Variants in TNNC2 observed in about 807,000 individuals in gnomAD.
TNNC2 encodes the protein troponin C, skeletal muscle.
Under a neutral mutation model 20.0 loss-of-function variants are expected in TNNC2, and 14 were observed. That is an observed-to-expected ratio of 0.70 (90% CI 0.46 to 1.09). TNNC2 has a LOEUF of 1.09. TNNC2 is among the 50% of genes least tolerant of loss of function. The pLI is 0.00. For missense variants in TNNC2, 163 were observed against 223.8 expected, an observed-to-expected ratio of 0.73 and a Z score of 1.73; for synonymous variants, 81 against 77.3, an observed-to-expected ratio of 1.05 and a Z score of -0.25.
At position 45,823,858 on chromosome 20, in the gene TNNC2, A is replaced by G; in HGVS notation, c.451+133T>C. On this transcript the variant is annotated intron_variant, in intron 5 of 5. Coordinates refer to ENST00000372555, the MANE Select transcript of TNNC2 (RefSeq NM_003279.3). The surrounding 1 kb of genome is among the most constrained non-coding windows in gnomAD (Gnocchi z 4.6). ...GCGCTTCTATACCTGCCCCCAGGAG[A>G]CTATGGGGAACTTGGTGAAGTTACG... The G allele has an allele frequency of 7.0e-7, 1 of 1,419,136 alleles. No homozygotes were observed. Among genetic ancestry groups the G allele is most frequent in the South Asian group, 1.3e-5 (1 of 77,102 alleles). The allele number at this position is 1,419,136 out of a possible 1,614,324, so 87.9% of individuals were successfully genotyped here. A position where few individuals can be genotyped will look rare whatever the true frequency, so the allele number is the denominator to read the frequency against.
chr20:45,829,290 G>A (rs1451534149), upstream of TNNC2, among the ~76,000 whole-genome samples: 3 of 148,964 alleles, frequency 2.0e-5, no homozygotes, highest in African/African-American at 4.9e-5. Flanking sequence ...TCAGCCTCCC[G>A]AGTAGCCGGA....
In TNNC2 at chr20:45,823,257, A is replaced by T. The variant is rs1982853523; in HGVS notation, c.*91T>A. 3 of 1,276,912 alleles carry T rather than the reference A, an allele frequency of 2.3e-6. No homozygotes were observed. The highest frequency in any genetic ancestry group is 2.8e-5 in the Admixed American group (1 of 36,000). 79.1% of individuals were successfully genotyped at this position (1,276,912 alleles called of 1,614,324 possible). A position where few individuals can be genotyped will look rare whatever the true frequency, so the allele number is the denominator to read the frequency against. On this transcript the variant is annotated 3_prime_UTR_variant, in exon 6 of 6. Coordinates refer to ENST00000372555, the MANE Select transcript of TNNC2 (RefSeq NM_003279.3). The surrounding 1 kb of genome is among the most constrained non-coding windows in gnomAD (Gnocchi z 4.6). Reference sequence around the variant, plus strand: ...TATTCCTTCCAGACAAAGACCCACAAGGGGTCGCGCCTCCCTGGTGGGGAC... The same window carrying T: ...TATTCCTTCCAGACAAAGACCCACATGGGGTCGCGCCTCCCTGGTGGGGAC...
At chr20:45,831,633 A>T (rs1983109455), upstream of TNNC2, among the ~76,000 whole-genome samples, 1 of 151,686 alleles carries the variant, frequency 6.6e-6, no homozygotes, top group Admixed American at 6.6e-5. Flanking sequence ...AAAAATAAAT[A>T]AAAAAGGAAG....
chr20:45,824,249 T>C (rs1221951853), intron 4 of TNNC2, 43 bp downstream of exon 4: 2 of 1,605,384 alleles, frequency 1.2e-6, no homozygotes, highest in South Asian at 2.2e-5. Flanking sequence ...GGCCGGGTTC[T>C]GACTGCTAAG....
upstream of TNNC2, among the ~76,000 whole-genome samples, chr20:45,829,407 G>A (rs1185442981): frequency 2.0e-5 from 3 of 151,746 alleles, no homozygotes; most frequent in Non-Finnish European, 4.4e-5. Context: ...CAGGTGATCC[G>A]CCCACCTCAG....
chr20:45,831,520 G>A (rs973990475), upstream of TNNC2, among the ~76,000 whole-genome samples: 2 of 152,022 alleles, frequency 1.3e-5, no homozygotes, highest in African/African-American at 2.4e-5. Context: ...CAGGAAAATC[G>A]CTTGAACCCA....
chr20:45,826,109 T>C (rs1395528338), intron 1 of TNNC2, among the ~76,000 whole-genome samples: 2 of 151,888 alleles, frequency 1.3e-5, no homozygotes, highest in Non-Finnish European at 2.9e-5. Flanking sequence ...AAGGGCTTTG[T>C]AAAGGGCTAG....
At chr20:45,831,365 T>C (rs1188875860), upstream of TNNC2, among the ~76,000 whole-genome samples, 1 of 151,932 alleles carries the variant, frequency 6.6e-6, no homozygotes, top group Non-Finnish European at 1.5e-5. Context: ...TCATTTGAGG[T>C]CAGCAGTTCG....
At chr20:45,824,705 C>A (rs1477212092) in intron 2 of TNNC2, 67 bp from the exon 3 acceptor site, 2 of 1,564,784 alleles carry the variant, frequency 1.3e-6, no homozygotes, top group Non-Finnish European at 1.7e-6. Context: ...TACCCCCCCC[C>A]AACCCCCACC....
At chr20:45,831,920 T>A (rs1311368754), upstream of TNNC2, among the ~76,000 whole-genome samples, 1 of 152,180 alleles carries the variant, frequency 6.6e-6, no homozygotes, top group Non-Finnish European at 1.5e-5. Flanking sequence ...TAACCAATGG[T>A]TGGTGAATGA....
upstream of TNNC2, among the ~76,000 whole-genome samples, chr20:45,830,335 C>CA (rs781603612): frequency 0.09 from 4,781 of 53,038 alleles, 218 homozygotes; most frequent in Non-Finnish European, 0.13. Context: ...GACTGCATCT[C>CA]AAAAAAAAAA....
rs1982858672 is a variant in TNNC2, at chr20:45,823,357, G to A, written c.474C>T (p.Gly158=). 3.8e-6 allele frequency: 6 copies of A among 1,591,022 alleles called. No homozygotes were observed. The highest frequency in any genetic ancestry group is 1.8e-5 in the Admixed American group (1 of 56,074). The change falls in exon 6 of 6, where the codon GGC becomes GGT. Residue 158 remains glycine (G), a synonymous_variant. Transcript: ENST00000372555. The surrounding 1 kb of genome is among the most constrained non-coding windows in gnomAD (Gnocchi z 4.6). ...DFDEFLKMME[G]VQ is the part of the protein sequence containing the mutation. The stretch of plus-strand genomic sequence containing the variant: ...GGCGACTGTCCACTCCTTACTGCAC[G>A]CCCTCCATCATCTTCAGGAACTCTG...
Position 45,823,259 on chromosome 20 carries a change from G to A in TNNC2, c.*89C>T. 10 of 1,290,522 alleles carry A rather than the reference G, an allele frequency of 7.7e-6. No homozygotes were observed. Among genetic ancestry groups the A allele is most frequent in the Non-Finnish European group, 1.1e-5 (10 of 948,578 alleles). The allele number at this position is 1,290,522 out of a possible 1,614,324, so 79.9% of individuals were successfully genotyped here. ...TTCCTTCCAGACAAAGACCCACAAG[G>A]GGTCGCGCCTCCCTGGTGGGGACCC... On this transcript the variant is annotated 3_prime_UTR_variant, in exon 6 of 6. Coordinates refer to ENST00000372555, the MANE Select transcript of TNNC2 (RefSeq NM_003279.3). The surrounding 1 kb of genome is among the most constrained non-coding windows in gnomAD (Gnocchi z 4.6).
At chr20:45,831,509 G>T (rs1163268142), upstream of TNNC2, among the ~76,000 whole-genome samples, 1 of 152,112 alleles carries the variant, frequency 6.6e-6, no homozygotes, top group Non-Finnish European at 1.5e-5. Flanking sequence ...ATTACTTGAG[G>T]CAGGAAAATC....
Position 45,824,592 on chromosome 20 carries a change from G to A in TNNC2, c.102C>T (p.Asp34=). Residue 34 remains aspartate (D), a synonymous_variant, in exon 3 of 6, where the codon GAC becomes GAT. Coordinates refer to ENST00000372555, the MANE Select transcript of TNNC2 (RefSeq NM_003279.3). ...CCGTGCCCAACTCCTTGACGCTGAT[G>A]TCCCCACCACCATCAGCATCAAACA... ...FDMFDADGGG[D]ISVKELGTVM... 6.2e-7 allele frequency: 1 copy of A among 1,612,082 alleles called. No individual in the cohort carries two copies. Among genetic ancestry groups the A allele is most frequent in the Non-Finnish European group, 8.5e-7 (1 of 1,180,022 alleles).
chr20:45,831,574 C>T (rs1220567218), upstream of TNNC2, among the ~76,000 whole-genome samples: 1 of 151,856 alleles, frequency 6.6e-6, no homozygotes. Flanking sequence ...CATTGGACTC[C>T]AGCCTGGGTG....
exon 2 of TNNC2, chr20:45,833,280 C>G (rs2145731437): frequency 6.6e-6 from 1 of 152,404 alleles, no homozygotes; most frequent in East Asian, 1.9e-4. Context: ...CCCTGTTTGC[C>G]TACTTCCCAT....
intron 1 of TNNC2, among the ~76,000 whole-genome samples, chr20:45,825,619 T>C (rs887231806): frequency 1.3e-5 from 2 of 149,526 alleles, no homozygotes; most frequent in African/African-American, 4.9e-5. Flanking sequence ...GTTTGTTTGT[T>C]TTGTTTTGTT....
chr20:45,825,189 C>T (rs1454750014), intron 1 of TNNC2, among the ~76,000 whole-genome samples: 2 of 152,148 alleles, frequency 1.3e-5, no homozygotes, highest in African/African-American at 4.8e-5. Flanking sequence ...ATTACCCAGG[C>T]TGGTTTTGAA....
Sources: gnomAD v4.1 joint callset for allele counts (sites outside exome capture counted in the v4.1 genomes callset) on GRCh38, gnomAD v4.1.1 for gene constraint, Gnocchi (gnomAD v3.1) non-coding constraint, MANE v1.5 for transcripts, NCBI Gene and HGNC (gene_info 2026-07-23, HGNC 2026-07-21) for gene names.